Variants in KLHL7 observed in about 807,000 individuals in gnomAD.
KLHL7 encodes the protein kelch-like protein 7.
In KLHL7, 44 loss-of-function variants were observed where a neutral mutation model predicts 67.4. That is an observed-to-expected ratio of 0.65 (90% CI 0.51 to 0.84). The LOEUF (loss-of-function observed/expected upper bound fraction) is 0.84, where lower values mean the gene tolerates loss of function less well. Ranked by LOEUF, KLHL7 falls within the 40% of genes least tolerant of loss-of-function variation. The probability of loss-of-function intolerance (pLI) is 0.00; values close to 1 mark genes in which losing one functional copy is unlikely to be tolerated. For missense variants in KLHL7, 362 were observed against 718.1 expected (o/e 0.50, Z 5.67); for synonymous variants, 252 against 243.3 (o/e 1.04, Z -0.33).
At chr7:23,132,022 T>A (rs948023950) in intron 4 of KLHL7, among the ~76,000 whole-genome samples, 1 of 152,206 alleles carries the variant, frequency 6.6e-6, no homozygotes, top group East Asian at 1.9e-4. Context: ...CCATTGTGTA[T>A]ATATACCACA....
At chr7:23,153,221 CG>C (rs34974105) in intron 7 of KLHL7, among the ~76,000 whole-genome samples, 1 of 115,102 alleles carries the variant, frequency 8.7e-6, no homozygotes, top group Non-Finnish European at 2.0e-5. Flanking sequence ...ATTCCTGAGG[CG>C]GCGGGGGGGC....
At chr7:23,165,301 CTA>C (rs1784970852) in intron 7 of KLHL7, among the ~76,000 whole-genome samples, 1 of 152,148 alleles carries the variant, frequency 6.6e-6, no homozygotes, top group African/African-American at 2.4e-5. Context: ...TTATATCACA[CTA>C]TATATCTGGC....
chr7:23,173,350 T>C (rs1377871320), intron 10 of KLHL7, among the ~76,000 whole-genome samples: 1 of 152,194 alleles, frequency 6.6e-6, no homozygotes, highest in Non-Finnish European at 1.5e-5. Context: ...ATAGAAATAT[T>C]TGAACTTTAA....
intron 1 of KLHL7, among the ~76,000 whole-genome samples, chr7:23,109,471 AC>A (rs1352130531): frequency 6.6e-6 from 1 of 152,194 alleles, no homozygotes; most frequent in Non-Finnish European, 1.5e-5. Flanking sequence ...CTTCCTGAGT[AC>A]CACCATAGTT....
At chr7:23,171,952 G>A (rs181520406) in intron 9 of KLHL7, among the ~76,000 whole-genome samples, 3 of 152,298 alleles carry the variant, frequency 2.0e-5, no homozygotes, top group East Asian at 1.9e-4. Flanking sequence ...CTCATGATCC[G>A]CCTGCCTCGG....
intron 9 of KLHL7, chr7:23,172,739 G>T: frequency 2.0e-6 from 1 of 501,658 alleles, no homozygotes; most frequent in South Asian, 2.7e-5. Context: ...GAATTGAAAG[G>T]AATAAAATCC....
At chr7:23,134,339 G>A (rs1200301589) in intron 4 of KLHL7, among the ~76,000 whole-genome samples, 4 of 152,132 alleles carry the variant, frequency 2.6e-5, no homozygotes, top group African/African-American at 9.7e-5. Flanking sequence ...ATGTGTTGTT[G>A]AATTTGGTTT....
intron 7 of KLHL7, 96 bp from the exon 8 acceptor site, chr7:23,165,602 A>G (rs377176154): frequency 3.0e-6 from 4 of 1,340,412 alleles, no homozygotes; most frequent in African/African-American, 2.9e-5. Context: ...TAATAAATTA[A>G]CATATTCTTA....
intron 6 of KLHL7, among the ~76,000 whole-genome samples, chr7:23,149,638 G>A (rs1478665903): frequency 1.3e-5 from 2 of 152,182 alleles, no homozygotes; most frequent in Non-Finnish European, 1.5e-5. Flanking sequence ...CACACTTCAA[G>A]AACTACCCAC....
At chr7:23,114,329 G>A (rs1199779518) in intron 1 of KLHL7, among the ~76,000 whole-genome samples, 1 of 152,184 alleles carries the variant, frequency 6.6e-6, no homozygotes, top group Non-Finnish European at 1.5e-5. Flanking sequence ...ATCAAGCAAA[G>A]CCTCATTTTC....
At chr7:23,152,766 A>T (rs960495524) in intron 7 of KLHL7, among the ~76,000 whole-genome samples, 2 of 152,140 alleles carry the variant, frequency 1.3e-5, no homozygotes, top group African/African-American at 2.4e-5. Flanking sequence ...GAATAAAAAA[A>T]TTTTTAATAG....
chr7:23,141,646 G>A (rs950097444), intron 5 of KLHL7, among the ~76,000 whole-genome samples: 2 of 151,806 alleles, frequency 1.3e-5, no homozygotes, highest in South Asian at 2.1e-4. Context: ...TTATTGAGAC[G>A]GAGTCTCGCT....
At position 23,106,395 on chromosome 7, in the gene KLHL7, G is replaced by T; in HGVS notation, c.120+249G>T. 3 of 1,336,980 alleles carry T rather than the reference G, an allele frequency of 2.2e-6. No individual in the cohort carries two copies. The South Asian group carries it at 4.6e-5, about 20-fold the overall frequency. 82.8% of individuals were successfully genotyped at this position (1,336,980 alleles called of 1,614,324 possible). ...GTCAGACTCCTGGGGGACTCCTCAGGCTGGCTTTCGCCGTCGGGTATCGGT... is the reference window on the plus strand; with the variant it reads ...GTCAGACTCCTGGGGGACTCCTCAGTCTGGCTTTCGCCGTCGGGTATCGGT... On this transcript the variant is annotated intron_variant, in intron 1 of 10. Transcript: ENST00000339077.
intron 4 of KLHL7, 164 bp from the exon 5 acceptor site, chr7:23,140,605 C>G (rs1484203561): frequency 1.4e-6 from 1 of 714,710 alleles, no homozygotes; most frequent in Non-Finnish European, 2.5e-6. Context: ...TTTTATAAGA[C>G]AGTATAGTAT....
At position 23,175,096 on chromosome 7, in the gene KLHL7, A is replaced by G. The variant is rs1785266925; in HGVS notation, c.*798A>G. ...GCAAAAAGTAAAGCTATTTATAGCAAATTTCTAGATCATTAGAAAAGCACT... is the reference window on the plus strand; with the variant it reads ...GCAAAAAGTAAAGCTATTTATAGCAGATTTCTAGATCATTAGAAAAGCACT... On this transcript the variant is annotated 3_prime_UTR_variant, in exon 11 of 11. Coordinates refer to ENST00000339077, the MANE Select transcript of KLHL7 (RefSeq NM_001031710.3). The G allele has an allele frequency of 2.2e-6, 1 of 454,086 alleles. No individual in the cohort carries two copies. The highest frequency in any genetic ancestry group is 6.9e-5 in the East Asian group (1 of 14,402). The allele number at this position is 454,086 out of a possible 1,614,324, so 28.1% of individuals were successfully genotyped here. A position where few individuals can be genotyped will look rare whatever the true frequency, so the allele number is the denominator to read the frequency against.
chr7:23,117,481 C>T (rs969219998), intron 1 of KLHL7, among the ~76,000 whole-genome samples: 3 of 151,904 alleles, frequency 2.0e-5, no homozygotes, highest in East Asian at 1.9e-4. Context: ...TTTCTTAGTC[C>T]CAGCTCTTAA....
chr7:23,165,967 G>T (rs1263438131), intron 8 of KLHL7, 29 bp downstream of exon 8: 1 of 1,612,866 alleles, frequency 6.2e-7, no homozygotes, highest in South Asian at 1.1e-5. Flanking sequence ...TTTTGGTTTG[G>T]GGCATATGCT....
intron 7 of KLHL7, among the ~76,000 whole-genome samples, chr7:23,154,532 T>G (rs1015484019): frequency 2.0e-5 from 3 of 152,172 alleles, no homozygotes; most frequent in African/African-American, 7.2e-5. Context: ...CAACATTTCT[T>G]ACCAAGACAT....
At chr7:23,126,679 C>T (rs1783585890) in intron 4 of KLHL7, among the ~76,000 whole-genome samples, 1 of 152,166 alleles carries the variant, frequency 6.6e-6, no homozygotes, top group African/African-American at 2.4e-5. Flanking sequence ...CTCCTTCCTG[C>T]ATACCCCCTC....
Sources: allele counts gnomAD v4.1 joint callset (sites outside exome capture counted in the v4.1 genomes callset), GRCh38; gene constraint gnomAD v4.1.1; transcripts MANE v1.5; gene names NCBI Gene and HGNC (gene_info 2026-07-23, HGNC 2026-07-21).